FANCC: variants seen among roughly 807,000 people sequenced by gnomAD.
FANCC encodes FA complementation group C.
Under a neutral mutation model 71.3 loss-of-function variants are expected in FANCC, and 55 were observed. The observed-to-expected ratio is 0.77, with a 90% confidence interval of 0.62 to 0.97. The LOEUF (loss-of-function observed/expected upper bound fraction) is 0.97, where lower values mean the gene tolerates loss of function less well. Among genes scored for constraint, FANCC ranks in the 50% least tolerant of loss-of-function variants. The pLI, the probability that FANCC is intolerant of heterozygous loss-of-function variation, is 0.00. For synonymous variants in FANCC, 275 were observed against 244.9 expected (o/e 1.12, Z -1.15); for missense variants, 678 against 670.9 (o/e 1.01, Z -0.12).
At chr9:95,298,153 G>C (rs1484942659) in intron 1 of FANCC, among the ~76,000 whole-genome samples, 1 of 152,038 alleles carries the variant, frequency 6.6e-6, no homozygotes, top group Non-Finnish European at 1.5e-5. Flanking sequence ...TGAAGGAATA[G>C]AGAAAAGCAC....
intron 1 of FANCC, among the ~76,000 whole-genome samples, chr9:95,277,084 G>C (rs944459825): frequency 3.3e-5 from 5 of 152,138 alleles, no homozygotes; most frequent in East Asian, 1.9e-4. Context: ...CATTGTTCTT[G>C]AACAGTTATT....
rs184616472 is a variant in FANCC at position 95,233,606 on chromosome 9, C to T, written c.345+7043G>A. 2.9e-3 allele frequency among the ~76,000 whole-genome samples: 441 copies of T among 152,100 alleles called. 3 individuals carry two copies. Among genetic ancestry groups the T allele is most frequent in the Admixed American group, 9.0e-3 (138 of 15,280 alleles). ...GGATCTGGGAAGATCAGGGAGTGGC[C>T]TTCATGATATGTGGATGCAAAAATG... On this transcript the variant is annotated intron_variant, in intron 4 of 14. Transcript: ENST00000289081.
intron 6 of FANCC, among the ~76,000 whole-genome samples, chr9:95,151,587 C>T (rs986520714): frequency 1.3e-5 from 2 of 152,082 alleles, no homozygotes; most frequent in Non-Finnish European, 2.9e-5. Flanking sequence ...GTGGTGCTAC[C>T]CTTGCCCATG....
chr9:95,294,482 G>A lies in FANCC; in HGVS notation c.-79+23044C>T, dbSNP rs543148168. ...GACTTAAACTTTTTCTTAGACAGTA[G>A]CCCTCATCTGCCTCTGGGAAGTATT... On this transcript the variant is annotated intron_variant, in intron 1 of 14. Coordinates refer to ENST00000289081, the MANE Select transcript of FANCC (RefSeq NM_000136.3). 48 of 1,591,142 alleles carry A rather than the reference G, an allele frequency of 3.0e-5. No individual in the cohort carries two copies. In the East Asian group the frequency reaches 5.8e-4, roughly 19 times the overall value.
intron 4 of FANCC, among the ~76,000 whole-genome samples, chr9:95,206,618 C>G (rs889045199): frequency 6.6e-6 from 1 of 152,154 alleles, no homozygotes; most frequent in Non-Finnish European, 1.5e-5. Flanking sequence ...ATATGCCACT[C>G]TAAATTCCCT....
chr9:95,124,580 T>TC (rs1447436514), intron 10 of FANCC, among the ~76,000 whole-genome samples: 1 of 152,208 alleles, frequency 6.6e-6, no homozygotes, highest in African/African-American at 2.4e-5. Context: ...GTCAAGCCTT[T>TC]CCCAGTCACT....
intron 4 of FANCC, among the ~76,000 whole-genome samples, chr9:95,181,176 T>C (rs1023420489): frequency 2.0e-4 from 30 of 150,850 alleles, no homozygotes; most frequent in African/African-American, 6.9e-4. Flanking sequence ...TGTGTGTGTG[T>C]GTGTGTGTGT....
intron 1 of FANCC, among the ~76,000 whole-genome samples, chr9:95,301,088 C>A (rs960365917): frequency 6.6e-5 from 10 of 151,586 alleles, no homozygotes; most frequent in African/African-American, 2.4e-4. Flanking sequence ...GCAATTATTT[C>A]TCGGTTAAGA....
intron 7 of FANCC, among the ~76,000 whole-genome samples, chr9:95,144,015 C>G (rs942125018): frequency 1.3e-5 from 2 of 151,918 alleles, no homozygotes; most frequent in Admixed American, 1.3e-4. Flanking sequence ...AATTGTCAAA[C>G]AGATGAAATT....
At chr9:95,207,667 G>C (rs186730104) in intron 4 of FANCC, among the ~76,000 whole-genome samples, 1 of 152,094 alleles carries the variant, frequency 6.6e-6, no homozygotes, top group Non-Finnish European at 1.5e-5. Context: ...GACAAATCCC[G>C]GGTGCCTTCT....
intron 1 of FANCC, chr9:95,292,496 G>A (rs1588427665): frequency 2.1e-6 from 3 of 1,426,240 alleles, no homozygotes; most frequent in South Asian, 1.5e-5. Flanking sequence ...GGCCCGCGGG[G>A]GTGACGCAGC....
intron 4 of FANCC, among the ~76,000 whole-genome samples, chr9:95,226,925 C>T (rs12380720): frequency 0.17 from 26,596 of 152,188 alleles, 2,847 homozygotes; most frequent in East Asian, 0.35. Context: ...GCCCTCCCGT[C>T]CCAGCACAGG....
Position 95,111,463 on chromosome 9 carries a change from C to A in FANCC, c.1329G>T (p.Met443Ile), listed in dbSNP as rs772133680. ...ACATGCAGTGGGGCCTGCTACCCAC[C>A]ATAGTCTGTGCTCTCTGCTGCCTCC... is the stretch of plus-strand genomic sequence containing the variant. Reference protein sequence around the residue: ...RDGRQQRAQTMVQVKAVLGHL... With the variant: ...RDGRQQRAQTIVQVKAVLGHL... The change falls in exon 13 of 15, where the codon ATG becomes ATT. Residue 443 changes from methionine to isoleucine, a missense_variant and splice_region_variant. Met to Ile is a conservative substitution (Grantham distance 10). Coordinates refer to ENST00000289081, the MANE Select transcript of FANCC (RefSeq NM_000136.3). 1 of 1,612,250 alleles carries A rather than the reference C, an allele frequency of 6.2e-7. No homozygotes were observed. The highest frequency in any genetic ancestry group is 2.2e-5 in the East Asian group (1 of 44,882).
At chr9:95,181,451 G>A (rs1195973712) in intron 4 of FANCC, among the ~76,000 whole-genome samples, 1 of 151,960 alleles carries the variant, frequency 6.6e-6, no homozygotes, top group East Asian at 1.9e-4. Flanking sequence ...GCCACCTAGT[G>A]GTAAATAGTC....
intron 1 of FANCC, among the ~76,000 whole-genome samples, chr9:95,277,058 C>G (rs1454387575): frequency 6.6e-6 from 1 of 152,150 alleles, no homozygotes; most frequent in East Asian, 1.9e-4. Flanking sequence ...TGCAGCATTC[C>G]TACGCATGAT....
In FANCC at chr9:95,268,498, T is replaced by C. The variant is rs553083502; in HGVS notation, c.-78-19129A>G. Among the ~76,000 whole-genome samples the C allele has an allele frequency of 2.0e-4, 31 of 152,378 alleles. 1 individual carries two copies. In the South Asian group the frequency reaches 6.2e-3, roughly 31 times the overall value. On this transcript the variant is annotated intron_variant, in intron 1 of 14. Coordinates refer to ENST00000289081, the MANE Select transcript of FANCC (RefSeq NM_000136.3). ...TTTCTCTACTACATATTTATTTCTT[T>C]CTGCTGCATCTTCTCTGAAGCTTAA...
chr9:95,273,188 G>A (rs906600356), intron 1 of FANCC, among the ~76,000 whole-genome samples: 4 of 152,214 alleles, frequency 2.6e-5, no homozygotes, highest in East Asian at 1.9e-4. Context: ...GGTGGTGAAC[G>A]AGTCACTAAA....
At chr9:95,125,039 C>T (rs1416204168) in intron 10 of FANCC, 47 bp downstream of exon 10, 10 of 1,488,904 alleles carry the variant, frequency 6.7e-6, no homozygotes, top group Middle Eastern at 1.7e-4. Context: ...CTCTCAACAG[C>T]GTCTTATTCT....
chr9:95,253,949 G>T (rs575297041), intron 1 of FANCC, among the ~76,000 whole-genome samples: 1 of 152,198 alleles, frequency 6.6e-6, no homozygotes, highest in Non-Finnish European at 1.5e-5. Context: ...ATCTAATGCC[G>T]CCACTGATCT....
Sources: gnomAD v4.1 joint callset for allele counts (sites outside exome capture counted in the v4.1 genomes callset) on GRCh38, gnomAD v4.1.1 for gene constraint, MANE v1.5 for transcripts, NCBI Gene and HGNC (gene_info 2026-07-23, HGNC 2026-07-21) for gene names.